BCAS2: variants seen among roughly 807,000 people sequenced by gnomAD.
BCAS2 encodes pre-mRNA-splicing factor SPF27.
Under a neutral mutation model 35.3 loss-of-function variants are expected in BCAS2, and 34 were observed. The observed-to-expected ratio is 0.96, with a 90% CI of 0.73 to 1.28. The LOEUF (loss-of-function observed/expected upper bound fraction) is 1.28. Ranked by LOEUF, BCAS2 falls within the 50% of genes most tolerant of loss-of-function variation. BCAS2 has a pLI of 0.00. For synonymous variants in BCAS2, 75 were observed against 91.6 expected, an observed-to-expected ratio of 0.82 and a Z score of 1.03; for missense variants, 221 against 268.1, an observed-to-expected ratio of 0.82 and a Z score of 1.23.
chr1:114,568,186 G>C lies in BCAS2; in HGVS notation c.622C>G (p.Gln208Glu). 1 of 1,613,726 alleles carries C rather than the reference G, an allele frequency of 6.2e-7. No individual in the cohort carries two copies. Among genetic ancestry groups the C allele is most frequent in the East Asian group, 2.2e-5 (1 of 44,856 alleles). ...TIVQLENEIY[Q>E]IKQQHGEANK... is the part of the protein sequence containing the mutation. ...GCCTCTCCATGTTGCTGCTTAATTT[G>C]ATAGATTTCATTTTCTAGCTGAACA... The change falls in exon 7 of 7, where the codon CAA becomes GAA. Residue 208 changes from glutamine (Q) to glutamate (E), a missense_variant. Physicochemically the swap from Gln to Glu is conservative, Grantham distance 29. Coordinates refer to ENST00000369541, the MANE Select transcript of BCAS2 (RefSeq NM_005872.3).
intron 4 of BCAS2, among the ~76,000 whole-genome samples, chr1:114,571,554 T>C (rs566293733): frequency 6.6e-6 from 1 of 152,194 alleles, no homozygotes; most frequent in East Asian, 1.9e-4. Flanking sequence ...AGACAGGGTT[T>C]CACCACGTTG....
At chr1:114,573,906 T>A (rs1654702129) in intron 4 of BCAS2, among the ~76,000 whole-genome samples, 1 of 152,200 alleles carries the variant, frequency 6.6e-6, no homozygotes, top group Non-Finnish European at 1.5e-5. Context: ...TATCATTTCA[T>A]GGTTTTGCTT....
rs187790655 is a variant in BCAS2, at chr1:114,581,269, C to T, written c.186+30G>A. On this transcript the variant is annotated intron_variant, in intron 2 of 6. Transcript: ENST00000369541. The stretch of plus-strand genomic sequence containing the variant: ...CAAAATAAAGGTTCACAGGAATTCT[C>T]GTTCACACCTAGGCTCAAGACATAC... 36 of 1,607,100 alleles carry T rather than the reference C, an allele frequency of 2.2e-5. No homozygotes were observed. In the African/African-American group the frequency reaches 4.1e-4, roughly 18 times the overall value.
chr1:114,579,130 G>A (rs981038315), intron 2 of BCAS2, among the ~76,000 whole-genome samples: 2 of 152,058 alleles, frequency 1.3e-5, no homozygotes, highest in African/African-American at 4.8e-5. Flanking sequence ...ACAAAAATTA[G>A]TTGGGCATGG....
intron 4 of BCAS2, among the ~76,000 whole-genome samples, chr1:114,575,363 A>ATT (rs34989850): frequency 7.5e-6 from 1 of 133,734 alleles, no homozygotes; most frequent in Non-Finnish European, 1.6e-5. Flanking sequence ...AATTTTTTGT[A>ATT]TTTTTTTTTT....
At chr1:114,578,095 CAGG>C (rs1360767508) in intron 2 of BCAS2, among the ~76,000 whole-genome samples, 1 of 152,068 alleles carries the variant, frequency 6.6e-6, no homozygotes, top group Non-Finnish European at 1.5e-5. Context: ...GAGGCTGAGG[CAGG>C]AGAATTGCTT....
intron 2 of BCAS2, among the ~76,000 whole-genome samples, chr1:114,580,048 C>T (rs1654850253): frequency 1.3e-5 from 2 of 151,914 alleles, no homozygotes; most frequent in African/African-American, 4.8e-5. Context: ...ATCCTCCCAC[C>T]TTGGCCTCCT....
chr1:114,568,998 C>T (rs1390640716), intron 6 of BCAS2, among the ~76,000 whole-genome samples: 1 of 151,800 alleles, frequency 6.6e-6, no homozygotes, highest in African/African-American at 2.4e-5. Flanking sequence ...CTCCTGGCTT[C>T]AAGCAATCCT....
intron 2 of BCAS2, among the ~76,000 whole-genome samples, chr1:114,577,387 T>TTTG (rs397938890): frequency 2.0e-5 from 3 of 152,142 alleles, no homozygotes; most frequent in Non-Finnish European, 4.4e-5. Context: ...ATTTTTTTTT[T>TTTG]GTGAGACGAA....
intron 3 of BCAS2, 105 bp from the exon 4 acceptor site, chr1:114,575,856 A>C (rs2101629236): frequency 1.6e-6 from 2 of 1,248,240 alleles, no homozygotes; most frequent in East Asian, 5.2e-5. Context: ...TAAAAACTAC[A>C]GAAGACTAAG....
chr1:114,570,268 TCACACA>T (rs61232118), intron 5 of BCAS2, among the ~76,000 whole-genome samples, 196 bp from the exon 6 acceptor site: 2 of 150,528 alleles, frequency 1.3e-5, no homozygotes, highest in African/African-American at 4.9e-5. Flanking sequence ...TTGTGAGAAA[TCACACA>T]CACACACACA....
chr1:114,573,624 T>G (rs1444181528), intron 4 of BCAS2, among the ~76,000 whole-genome samples: 1 of 152,244 alleles, frequency 6.6e-6, no homozygotes, highest in Non-Finnish European at 1.5e-5. Flanking sequence ...TTACTTGGCA[T>G]AAAACTTATT....
At chr1:114,568,505 A>T (rs910881504) in intron 6 of BCAS2, among the ~76,000 whole-genome samples, 3 of 151,902 alleles carry the variant, frequency 2.0e-5, no homozygotes, top group Admixed American at 2.0e-4. Context: ...TAGCTGGATT[A>T]CAGGCACACG....
At chr1:114,568,416 G>C (rs1654571117) in intron 6 of BCAS2, among the ~76,000 whole-genome samples, 160 bp from the exon 7 acceptor site, 1 of 151,080 alleles carries the variant, frequency 6.6e-6, no homozygotes, top group Admixed American at 6.6e-5. Flanking sequence ...GCCCAGGCTG[G>C]AGAACAATGG....
chr1:114,568,455 C>T (rs750652197), intron 6 of BCAS2, among the ~76,000 whole-genome samples, 199 bp from the exon 7 acceptor site: 7 of 151,996 alleles, frequency 4.6e-5, no homozygotes, highest in Non-Finnish European at 8.8e-5. Flanking sequence ...CAACCTCCGC[C>T]TCCCGGGTTC....
chr1:114,581,250 A>G (rs773879177), intron 2 of BCAS2, 49 bp downstream of exon 2: 18 of 1,583,972 alleles, frequency 1.1e-5, no homozygotes, highest in Non-Finnish European at 1.7e-6. Context: ...AATCCAAAAT[A>G]AAGGTTCACA....
intron 5 of BCAS2, 140 bp from the exon 6 acceptor site, chr1:114,570,212 TTTC>T (rs894355352): frequency 6.4e-6 from 4 of 621,728 alleles, no homozygotes; most frequent in Non-Finnish European, 1.1e-5. Flanking sequence ...AGAAATTACC[TTTC>T]TTCTAATTAT....
chr1:114,581,577 A>G lies in BCAS2; in HGVS notation c.15T>C (p.Gly5=). 6.3e-7 allele frequency: 1 copy of G among 1,594,124 alleles called. No homozygotes were observed. The highest frequency in any genetic ancestry group is 8.5e-7 in the Non-Finnish European group (1 of 1,172,196). Residue 5 remains glycine, a synonymous_variant, in exon 1 of 7, where the codon GGT becomes GGC. Transcript: ENST00000369541. ...CCACCACAACCTCTCCAGCCACCAA[A>G]CCTGTGCCCGCCATTCTGAGGACCT... is the stretch of plus-strand genomic sequence containing the variant. MAGT[G]LVAGEVVVDA...
intron 6 of BCAS2, among the ~76,000 whole-genome samples, chr1:114,569,451 A>C (rs1654596870): frequency 6.6e-6 from 1 of 152,164 alleles, no homozygotes; most frequent in African/African-American, 2.4e-5. Flanking sequence ...AGGTACAAAA[A>C]AATTACCAAG....
Sources: allele counts gnomAD v4.1 joint callset (sites outside exome capture counted in the v4.1 genomes callset), GRCh38; gene constraint gnomAD v4.1.1; transcripts MANE v1.5; gene names NCBI Gene and HGNC (gene_info 2026-07-23, HGNC 2026-07-21).